RBBP8: variants seen among roughly 807,000 people sequenced by gnomAD.
The protein encoded by RBBP8 is RB binding protein 8, endonuclease, also known as DNA endonuclease RBBP8.
Under a neutral mutation model 108.3 loss-of-function variants are expected in RBBP8, and 88 were observed. The ratio of observed to expected loss-of-function variants is 0.81; its 90% CI spans 0.68 to 0.97. RBBP8 has a LOEUF of 0.97. Ranked by LOEUF, RBBP8 falls within the 50% of genes least tolerant of loss-of-function variation. The pLI is 0.00. For synonymous variants in RBBP8, 332 were observed against 348.2 expected (o/e 0.95, Z 0.52); for missense variants, 1,023 against 1,049.0 (o/e 0.98, Z 0.34).
At chr18:22,919,530 A>T (rs887949817) in intron 3 of RBBP8, among the ~76,000 whole-genome samples, 1 of 152,162 alleles carries the variant, frequency 6.6e-6, no homozygotes, top group Non-Finnish European at 1.5e-5. Flanking sequence ...CATTTCACCA[A>T]TTTAGCCCAC....
At chr18:22,974,327 A>C (rs779160028) in intron 5 of RBBP8, among the ~76,000 whole-genome samples, 3 of 152,138 alleles carry the variant, frequency 2.0e-5, no homozygotes, top group Non-Finnish European at 4.4e-5. Context: ...ACAAACAGAT[A>C]CTCTTCAATG....
At chr18:22,991,102 A>G in intron 10 of RBBP8, 53 bp downstream of exon 10, 8 of 1,240,934 alleles carry the variant, frequency 6.4e-6, no homozygotes, top group Non-Finnish European at 9.4e-6. Context: ...AGATCCCATT[A>G]CAATGAATTT....
At chr18:22,934,736 G>T (rs1277182689) in intron 1 of RBBP8, 1 of 150,562 alleles carries the variant, frequency 6.6e-6, no homozygotes, top group Non-Finnish European at 1.5e-5. Flanking sequence ...TCATTGTTCA[G>T]TTCCCACCTA....
intron 8 of RBBP8, 44 bp from the exon 9 acceptor site, chr18:22,989,177 A>C: frequency 2.1e-6 from 3 of 1,399,822 alleles, no homozygotes; most frequent in Non-Finnish European, 3.0e-6. Flanking sequence ...GTTTTGTAAA[A>C]TTGGTTTTAT....
At chr18:22,977,859 T>C (rs1334984233) in intron 6 of RBBP8, 2 of 152,176 alleles carry the variant, frequency 1.3e-5, no homozygotes, top group African/African-American at 4.8e-5. Flanking sequence ...ACAGCTATCA[T>C]GGCCCTCCTG....
intron 13 of RBBP8, 147 bp downstream of exon 13, chr18:22,996,609 A>C: frequency 7.1e-7 from 1 of 1,402,326 alleles, no homozygotes; most frequent in Non-Finnish European, 9.4e-7. Context: ...TTAAGAAATA[A>C]AAATGCTTAT....
chr18:22,998,175 A>G (rs188416084), intron 14 of RBBP8, among the ~76,000 whole-genome samples: 35 of 152,278 alleles, frequency 2.3e-4, no homozygotes, highest in Middle Eastern at 3.4e-3. Flanking sequence ...ACAATTTTTT[A>G]TAAGTGGTAT....
chr18:22,955,197 A>G (rs976350904), intron 4 of RBBP8, among the ~76,000 whole-genome samples: 6 of 152,212 alleles, frequency 3.9e-5, no homozygotes, highest in African/African-American at 1.4e-4. Context: ...ATCCTCAGGT[A>G]CATGGGCCTG....
chr18:22,956,517 T>C (rs1912560362), intron 4 of RBBP8, among the ~76,000 whole-genome samples: 2 of 152,162 alleles, frequency 1.3e-5, no homozygotes, highest in African/African-American at 4.8e-5. Context: ...TTTTTGTTTT[T>C]ATAGAGACTG....
In RBBP8 at chr18:22,992,909, C is replaced by G; in HGVS notation, c.1082C>G (p.Thr361Arg). ...CCTGGGAAAAAAAAACATCTGAAAA[C>G]ACTCCCTTTTAGCAACACTTGTATA... ...LQPGKKKHLK[T>R]LPFSNTCISR... The change falls in exon 11 of 19, where the codon ACA becomes AGA. Residue 361 changes from threonine (T) to arginine (R), a missense_variant. Physicochemically the swap from Thr to Arg is moderately conservative, Grantham distance 71 (BLOSUM62 -1). Transcript: ENST00000327155. The G allele has an allele frequency of 6.2e-7, 1 of 1,613,798 alleles. No homozygotes were observed.
At chr18:23,011,152 G>C (rs190989319) in intron 16 of RBBP8, among the ~76,000 whole-genome samples, 2 of 152,264 alleles carry the variant, frequency 1.3e-5, no homozygotes, top group Admixed American at 1.3e-4. Flanking sequence ...TTCTTTTTGA[G>C]GGAAAGTGCT....
intron 17 of RBBP8, 64 bp downstream of exon 17, chr18:23,016,988 T>C (rs2046267293): frequency 7.5e-6 from 9 of 1,204,538 alleles, no homozygotes; most frequent in Non-Finnish European, 1.1e-5. Flanking sequence ...AAATGCATGA[T>C]TTTAAAATCA....
At chr18:22,966,015 A>G (rs965517961) in intron 4 of RBBP8, among the ~76,000 whole-genome samples, 2 of 152,310 alleles carry the variant, frequency 1.3e-5, no homozygotes, top group East Asian at 1.9e-4. Context: ...GGACAATGCA[A>G]TTCTCAGCTT....
rs1468183314 is a variant in RBBP8 at position 23,022,142 on chromosome 18, T to C, written c.2468T>C (p.Met823Thr). Residue 823 changes from methionine (M) to threonine (T), a missense_variant, in exon 18 of 19, where the codon ATG becomes ACG. By Grantham distance (81) the Met-to-Thr change is moderately conservative. Coordinates refer to ENST00000327155, the MANE Select transcript of RBBP8 (RefSeq NM_002894.3). ...CKECEIYYAD[M>T]PAEEREKKLA... is the part of the protein sequence containing the mutation. ...TTTTATTATTAGTATTATGCAGATA[T>C]GCCAGCAGAAGAAAGAGAAAAGAAA... 1.2e-6 allele frequency: 2 copies of C among 1,602,188 alleles called. No individual in the cohort carries two copies. Among genetic ancestry groups the C allele is most frequent in the South Asian group, 2.2e-5 (2 of 90,792 alleles).
At chr18:22,937,257 G>A in intron 2 of RBBP8, 1 of 377,854 alleles carries the variant, frequency 2.6e-6, no homozygotes, top group South Asian at 2.3e-5. Context: ...TCCCCTCTTT[G>A]TGTCCATGTG....
chr18:22,996,548 C>T lies in RBBP8; in HGVS notation c.2028+86C>T, dbSNP rs75850297. 3,138 of 1,558,422 alleles carry T rather than the reference C, an allele frequency of 2.0e-3. 55 individuals carry two copies. In the African/African-American group the frequency reaches 0.036, roughly 18 times the overall value. On this transcript the variant is annotated intron_variant, in intron 13 of 18. Coordinates refer to ENST00000327155, the MANE Select transcript of RBBP8 (RefSeq NM_002894.3). ...CCTCCTCTCGTGACTCACTGTATCA[C>T]CTTAAGATAATCAGATACGTCTTAA...
intron 15 of RBBP8, among the ~76,000 whole-genome samples, chr18:23,004,296 CACATAT>C: frequency 6.6e-6 from 1 of 151,926 alleles, no homozygotes; most frequent in Middle Eastern, 3.2e-3. Flanking sequence ...CACACACACA[CACATAT>C]ACATAGACAC....
chr18:22,982,107 G>T, intron 6 of RBBP8, 111 bp from the exon 7 acceptor site: 1 of 1,252,356 alleles, frequency 8.0e-7, no homozygotes, highest in South Asian at 1.3e-5. Context: ...AGATGCAAGG[G>T]ATTACATCCC....
chr18:22,974,774 T>C (rs1914381260), intron 5 of RBBP8, among the ~76,000 whole-genome samples: 1 of 152,160 alleles, frequency 6.6e-6, no homozygotes, highest in Admixed American at 6.5e-5. Context: ...ATTTTTATGA[T>C]CAAATTAATT....
Sources: gnomAD v4.1 joint callset for allele counts (sites outside exome capture counted in the v4.1 genomes callset) on GRCh38, gnomAD v4.1.1 for gene constraint, MANE v1.5 for transcripts, NCBI Gene and HGNC (gene_info 2026-07-23, HGNC 2026-07-21) for gene names.